The following ARID2 variants were observed in gnomAD, a reference collection of about 807,000 sequenced individuals.
ARID2 encodes the protein AT-rich interaction domain 2, also known as AT-rich interactive domain-containing protein 2.
ARID2 carries 32 observed loss-of-function variants against 184.6 expected under a neutral mutation model. The ratio of observed to expected loss-of-function variants is 0.17; its 90% CI spans 0.13 to 0.23. The LOEUF (loss-of-function observed/expected upper bound fraction) is 0.23, where lower values mean the gene tolerates loss of function less well. Among genes scored for constraint, ARID2 ranks in the 10% least tolerant of loss-of-function variants. ARID2 has a pLI of 1.00. For missense variants in ARID2, 1,696 were observed against 2,197.6 expected, an observed-to-expected ratio of 0.77 and a Z score of 4.56; for synonymous variants, 836 against 772.6, an observed-to-expected ratio of 1.08 and a Z score of -1.36.
At chr12:45,879,992 C>G (rs1489240416) in intron 16 of ARID2, among the ~76,000 whole-genome samples, 1 of 152,026 alleles carries the variant, frequency 6.6e-6, no homozygotes, top group Non-Finnish European at 1.5e-5. Flanking sequence ...CTACAGTGTT[C>G]TTTGAATAAG....
chr12:45,844,648 C>G (rs972580334), intron 11 of ARID2, among the ~76,000 whole-genome samples: 6 of 152,194 alleles, frequency 3.9e-5, no homozygotes, highest in African/African-American at 1.4e-4. Context: ...ATAATAGTAG[C>G]TAGCGTTTAT....
intron 16 of ARID2, among the ~76,000 whole-genome samples, chr12:45,864,188 C>T (rs1242506321): frequency 1.3e-5 from 2 of 151,946 alleles, no homozygotes; most frequent in African/African-American, 4.8e-5. Flanking sequence ...TTTCAGTAAG[C>T]CCCACTCCCT....
chr12:45,741,112 C>A (rs1275976393), intron 3 of ARID2, among the ~76,000 whole-genome samples: 2 of 152,110 alleles, frequency 1.3e-5, no homozygotes, highest in East Asian at 3.8e-4. Flanking sequence ...ATGATACTTG[C>A]ATTTATTTGT....
chr12:45,735,074 C>T (rs1015311036), intron 3 of ARID2, among the ~76,000 whole-genome samples: 5 of 151,102 alleles, frequency 3.3e-5, no homozygotes, highest in African/African-American at 1.2e-4. Flanking sequence ...GTTATGTTTA[C>T]CATAGTACAT....
At position 45,824,427 on chromosome 12, in the gene ARID2, A is replaced by G. The variant is rs372300363; in HGVS notation, c.705+2940A>G. Among the ~76,000 whole-genome samples, 341 of 152,234 alleles carry G rather than the reference A, an allele frequency of 2.2e-3. 12 individuals carry two copies. The South Asian group carries it at 0.067, about 30-fold the overall frequency. ...ACATTGTATTGGAAGTCCTAGCCAA[A>G]GGAATCAAGCAAGAGAAAGGAATAA... On this transcript the variant is annotated intron_variant, in intron 6 of 20. Coordinates refer to ENST00000334344, the MANE Select transcript of ARID2 (RefSeq NM_152641.4).
intron 3 of ARID2, among the ~76,000 whole-genome samples, chr12:45,756,655 G>A (rs1248491204): frequency 6.6e-6 from 1 of 152,212 alleles, no homozygotes; most frequent in Non-Finnish European, 1.5e-5. Flanking sequence ...TTCAAGGCAT[G>A]GGTTTGCTTT....
At chr12:45,827,082 A>G (rs555374890) in intron 6 of ARID2, among the ~76,000 whole-genome samples, 84 of 152,046 alleles carry the variant, frequency 5.5e-4, no homozygotes, top group African/African-American at 2.0e-3. Context: ...GTACGTACTC[A>G]CATCCAGGCC....
At position 45,855,876 on chromosome 12, in the gene ARID2, A is replaced by G. The variant is rs143210951; in HGVS notation, c.4773+2980A>G. 9.1e-4 allele frequency among the ~76,000 whole-genome samples: 139 copies of G among 151,928 alleles called. 1 individual carries two copies. Among genetic ancestry groups the G allele is most frequent in the African/African-American group, 3.2e-3 (133 of 41,446 alleles). On this transcript the variant is annotated intron_variant, in intron 15 of 20. Transcript: ENST00000334344. ...GCTGGGAGCACAGGCATGTACTGCCATGCCCAGCTAATTTGTTTTATGTTT... is the reference window on the plus strand; with the variant it reads ...GCTGGGAGCACAGGCATGTACTGCCGTGCCCAGCTAATTTGTTTTATGTTT...
chr12:45,807,991 ATTTCACTAGTT>A (rs1253419909), intron 3 of ARID2, among the ~76,000 whole-genome samples: 1 of 152,210 alleles, frequency 6.6e-6, no homozygotes, highest in Admixed American at 6.5e-5. Context: ...GGATTACAAT[ATTTCACTAGTT>A]TTGAGTTAAA....
chr12:45,784,032 T>C (rs1033727709), intron 3 of ARID2, among the ~76,000 whole-genome samples: 12 of 152,168 alleles, frequency 7.9e-5, no homozygotes, highest in African/African-American at 2.9e-4. Flanking sequence ...CTGTGTTGCC[T>C]GGGCTGGAGT....
chr12:45,853,840 C>A (rs1055888089), intron 15 of ARID2, among the ~76,000 whole-genome samples: 3 of 152,090 alleles, frequency 2.0e-5, no homozygotes, highest in Non-Finnish European at 4.4e-5. Context: ...TAGGTGTGGG[C>A]AATAGCCAAA....
rs2138093197 is a variant in ARID2 at position 45,817,810 on chromosome 12, A to G, written c.559A>G (p.Ser187Gly). 2 of 1,613,534 alleles carry G rather than the reference A, an allele frequency of 1.2e-6. No homozygotes were observed. Among genetic ancestry groups the G allele is most frequent in the Non-Finnish European group, 1.7e-6 (2 of 1,179,830 alleles). ...INVCTLLSNE[S>G]KHVMQLEKDP... Reference sequence around the variant, plus strand: ...CGTATGCACTCTCCTATCAAATGAAAGCAAGCACGTCATGCAACTTGAAAA... The same window carrying G: ...CGTATGCACTCTCCTATCAAATGAAGGCAAGCACGTCATGCAACTTGAAAA... The change falls in exon 5 of 21, where the codon AGC (serine) becomes GGC (glycine). Residue 187 changes from serine (S) to glycine (G), a missense_variant. Physicochemically the swap from Ser to Gly is moderately conservative, Grantham distance 56 (BLOSUM62 0). Transcript: ENST00000334344.
intron 4 of ARID2, among the ~76,000 whole-genome samples, chr12:45,814,860 A>C (rs1942777186): frequency 6.6e-6 from 1 of 152,226 alleles, no homozygotes; most frequent in African/African-American, 2.4e-5. Context: ...CAAATGAAGC[A>C]GACTTTGCTG....
In ARID2 at chr12:45,876,793, T is replaced by TA. The variant is rs569976302; in HGVS notation, c.4923-14973dup. Among the ~76,000 whole-genome samples, 393 of 129,236 alleles carry TA rather than the reference T, an allele frequency of 3.0e-3. 3 individuals carry two copies. The highest frequency in any genetic ancestry group is 7.7e-3 in the South Asian group (31 of 4,012). The allele number at this position is 129,236 out of a possible 152,430, so 84.8% of individuals were successfully genotyped here. A position where few individuals can be genotyped will look rare whatever the true frequency, so the allele number is the denominator to read the frequency against. ...CACAGGGTTGCCACAAACCTTCAAT[T>TA]AAAAAAAAAAAAAAGGCCGGGCGTG... On this transcript the variant is annotated intron_variant, in intron 16 of 20. Transcript: ENST00000334344.
chr12:45,876,846 T>C lies in ARID2; in HGVS notation c.4923-14934T>C, dbSNP rs557550177. 8.6e-5 allele frequency among the ~76,000 whole-genome samples: 13 copies of C among 150,354 alleles called. No homozygotes were observed. The South Asian group carries it at 2.8e-3, about 32-fold the overall frequency. On this transcript the variant is annotated intron_variant, in intron 16 of 20. Coordinates refer to ENST00000334344, the MANE Select transcript of ARID2 (RefSeq NM_152641.4). ...GGCTCACGCCTGTAATCCCAGCACT[T>C]TGGGAGGCTGAGGTGGGCGGATCAC...
chr12:45,860,697 TG>T (rs1943727759), intron 15 of ARID2, 103 bp from the exon 16 acceptor site: 2 of 1,016,788 alleles, frequency 2.0e-6, no homozygotes, highest in Admixed American at 4.1e-5. Flanking sequence ...GTAAATTTTA[TG>T]GTAGAAATGT....
At chr12:45,736,000 G>A (rs1941110258) in intron 3 of ARID2, among the ~76,000 whole-genome samples, 1 of 152,100 alleles carries the variant, frequency 6.6e-6, no homozygotes, top group Non-Finnish European at 1.5e-5. Flanking sequence ...TCCTATCTCT[G>A]CTTTGTTGTG....
In ARID2 at chr12:45,748,463, A is replaced by G. The variant is rs1592052514; in HGVS notation, c.284+17149A>G. ...CAATCATCTGAGTTTTCAGTGAGTC[A>G]TAATCTTTTTACTGGTGAAAGGTCT... On this transcript the variant is annotated intron_variant, in intron 3 of 20. Transcript: ENST00000334344. Among the ~76,000 whole-genome samples, 4 of 152,224 alleles carry G rather than the reference A, an allele frequency of 2.6e-5. No homozygotes were observed. The South Asian group carries it at 8.3e-4, about 32-fold the overall frequency.
At chr12:45,795,933 T>C (rs1257504764) in intron 3 of ARID2, among the ~76,000 whole-genome samples, 1 of 152,154 alleles carries the variant, frequency 6.6e-6, no homozygotes, top group African/African-American at 2.4e-5. Flanking sequence ...CTCTCTTTTA[T>C]TCCTAGAAAA....
Sources: allele counts gnomAD v4.1 joint callset (sites outside exome capture counted in the v4.1 genomes callset), GRCh38; gene constraint gnomAD v4.1.1; transcripts MANE v1.5; gene names NCBI Gene and HGNC (gene_info 2026-07-23, HGNC 2026-07-21).